PON2: variants seen among roughly 807,000 people sequenced by gnomAD.
The protein encoded by PON2 is serum paraoxonase/arylesterase 2.
In PON2, 27 loss-of-function variants were observed where a neutral mutation model predicts 36.6. That is an observed-to-expected ratio of 0.74 (90% confidence interval 0.54 to 1.02). The LOEUF (loss-of-function observed/expected upper bound fraction) is 1.02. PON2 is among the 50% of genes least tolerant of loss of function. PON2 has a pLI of 0.00. For missense variants in PON2, 363 were observed against 421.1 expected, an observed-to-expected ratio of 0.86 and a Z score of 1.21; for synonymous variants, 149 against 156.3, an observed-to-expected ratio of 0.95 and a Z score of 0.35.
chr7:95,427,827 T>C (rs747546244), intron 1 of PON2, among the ~76,000 whole-genome samples: 3 of 152,240 alleles, frequency 2.0e-5, no homozygotes, highest in African/African-American at 7.2e-5. Context: ...AAGAAATACA[T>C]ATATTTCTCT....
At chr7:95,424,378 C>A (rs1789264989) in intron 2 of PON2, 137 bp downstream of exon 2, 5 of 719,004 alleles carry the variant, frequency 7.0e-6, no homozygotes, top group Middle Eastern at 3.6e-4. Context: ...AAGAGGTTGA[C>A]CAAAGAGGTT....
At chr7:95,411,467 T>C (rs1788922934) in intron 5 of PON2, among the ~76,000 whole-genome samples, 186 bp downstream of exon 5, 1 of 152,212 alleles carries the variant, frequency 6.6e-6, no homozygotes, top group African/African-American at 2.4e-5. Flanking sequence ...TCATATGCCA[T>C]GCTTGCCCTG....
At chr7:95,431,114 AT>A (rs17876065) in intron 1 of PON2, among the ~76,000 whole-genome samples, 3,115 of 152,178 alleles carry the variant, frequency 0.02, 111 homozygotes, top group African/African-American at 0.067. Context: ...GCCTGGGAAT[AT>A]TTGTATACTG....
chr7:95,405,414 G>A lies in PON2; in HGVS notation c.981C>T (p.Leu327=). The change falls in exon 9 of 9, where the codon CTC becomes CTT. Residue 327 remains leucine, a synonymous_variant. Coordinates refer to ENST00000222572, the MANE Select transcript of PON2 (RefSeq NM_000305.3). ...ACACTGAGGCTACAGAACTTCCTTG[G>A]AGAACAGACCCATTGTTGGCATAAA... ...TTVYANNGSV[L]QGSSVASVYD... is the part of the protein sequence containing the mutation. 3.7e-6 allele frequency: 6 copies of A among 1,613,740 alleles called. No individual in the cohort carries two copies. Among genetic ancestry groups the A allele is most frequent in the Non-Finnish European group, 5.1e-6 (6 of 1,179,694 alleles).
chr7:95,431,813 T>C (rs1375448589), intron 1 of PON2, among the ~76,000 whole-genome samples: 1 of 151,998 alleles, frequency 6.6e-6, no homozygotes, highest in African/African-American at 2.4e-5. Context: ...CCCAGTGATA[T>C]TTTAATTTGA....
intron 2 of PON2, 95 bp from the exon 3 acceptor site, chr7:95,416,392 T>C: frequency 1.4e-6 from 2 of 1,380,626 alleles, no homozygotes; most frequent in Non-Finnish European, 2.0e-6. Flanking sequence ...TCAGAGTGAC[T>C]GTATCTTTAG....
chr7:95,430,590 T>C (rs2116508437), intron 1 of PON2, among the ~76,000 whole-genome samples: 1 of 152,010 alleles, frequency 6.6e-6, no homozygotes, highest in Non-Finnish European at 1.5e-5. Flanking sequence ...TGAGCCACCG[T>C]GCCCGGCCAT....
At chr7:95,411,630 G>C in intron 5 of PON2, 23 bp downstream of exon 5, 1 of 1,613,610 alleles carries the variant, frequency 6.2e-7, no homozygotes, top group Admixed American at 1.7e-5. Context: ...ATAAATTAGA[G>C]AAGGAACAAA....
Position 95,404,944 on chromosome 7 carries a change from T to C in PON2, c.*386A>G. The C allele has an allele frequency of 5.3e-6, 1 of 190,276 alleles. No individual in the cohort carries two copies. Among genetic ancestry groups the C allele is most frequent in the African/African-American group, 2.3e-5 (1 of 42,670 alleles). The allele number at this position is 190,276 out of a possible 1,614,324, so 11.8% of individuals were successfully genotyped here. A position where few individuals can be genotyped will look rare whatever the true frequency, so the allele number is the denominator to read the frequency against. On this transcript the variant is annotated 3_prime_UTR_variant, in exon 9 of 9. Coordinates refer to ENST00000222572, the MANE Select transcript of PON2 (RefSeq NM_000305.3). ...AAGTACAAAACATCAAAATACGTTATCAGTAGTTCTAAACAGCCATAGTAG... is the reference window on the plus strand; with the variant it reads ...AAGTACAAAACATCAAAATACGTTACCAGTAGTTCTAAACAGCCATAGTAG...
chr7:95,431,239 T>C (rs1002975976), intron 1 of PON2, among the ~76,000 whole-genome samples: 1 of 152,176 alleles, frequency 6.6e-6, no homozygotes, highest in African/African-American at 2.4e-5. Context: ...CTCTGGGACA[T>C]CCTTATACTA....
chr7:95,408,359 C>T (rs2116453885), intron 6 of PON2, among the ~76,000 whole-genome samples: 1 of 152,284 alleles, frequency 6.6e-6, no homozygotes, highest in African/African-American at 2.4e-5. Context: ...TTAGGCAGGT[C>T]TCACTCAAAG....
At chr7:95,417,559 G>C (rs573586355) in intron 2 of PON2, among the ~76,000 whole-genome samples, 1 of 152,042 alleles carries the variant, frequency 6.6e-6, no homozygotes, top group African/African-American at 2.4e-5. Context: ...AAGAGACTGT[G>C]ATTCCCCCAA....
At chr7:95,408,709 G>A (rs1041427414) in intron 6 of PON2, among the ~76,000 whole-genome samples, 4 of 152,150 alleles carry the variant, frequency 2.6e-5, no homozygotes, top group Non-Finnish European at 5.9e-5. Context: ...ATTTTATGTT[G>A]TATTTGTAGT....
At chr7:95,425,203 G>C (rs111543351) in intron 1 of PON2, among the ~76,000 whole-genome samples, 6 of 152,204 alleles carry the variant, frequency 3.9e-5, no homozygotes, top group African/African-American at 7.2e-5. Flanking sequence ...TGATATAGCA[G>C]TGAATTCTGA....
At chr7:95,414,483 A>G (rs1789015127) in intron 3 of PON2, among the ~76,000 whole-genome samples, 1 of 152,202 alleles carries the variant, frequency 6.6e-6, no homozygotes, top group Non-Finnish European at 1.5e-5. Flanking sequence ...CATGCCCCCA[A>G]GCTAAAATGG....
At chr7:95,426,121 A>C (rs1452622061) in intron 1 of PON2, among the ~76,000 whole-genome samples, 1 of 152,116 alleles carries the variant, frequency 6.6e-6, no homozygotes, top group African/African-American at 2.4e-5. Context: ...GGAGTAGACA[A>C]GGGCTGAAAA....
chr7:95,432,127 A>C (rs929465249), intron 1 of PON2, among the ~76,000 whole-genome samples: 4 of 152,164 alleles, frequency 2.6e-5, no homozygotes, highest in Non-Finnish European at 5.9e-5. Flanking sequence ...ATTGTAAAGT[A>C]GGCCGAGGGT....
At chr7:95,408,647 G>C (rs911524556) in intron 6 of PON2, among the ~76,000 whole-genome samples, 2 of 152,182 alleles carry the variant, frequency 1.3e-5, no homozygotes, top group Non-Finnish European at 2.9e-5. Context: ...GAAAGGAGGA[G>C]AAATTGGATT....
intron 3 of PON2, chr7:95,412,706 G>A (rs754107436): frequency 2.1e-5 from 11 of 536,086 alleles, no homozygotes; most frequent in African/African-American, 1.5e-4. Flanking sequence ...TCTCTTCAGA[G>A]AGTAATCAGA....
Sources: gnomAD v4.1 joint callset for allele counts (sites outside exome capture counted in the v4.1 genomes callset) on GRCh38, gnomAD v4.1.1 for gene constraint, MANE v1.5 for transcripts, NCBI Gene and HGNC (gene_info 2026-07-23, HGNC 2026-07-21) for gene names.